The following ANKFN1 variants were observed in gnomAD, a reference collection of about 807,000 sequenced individuals.
ANKFN1 encodes the protein ankyrin repeat and fibronectin type III domain containing 1.
A neutral mutation model predicts 108.7 loss-of-function variants in ANKFN1; 74 were observed. The ratio of observed to expected loss-of-function variants is 0.68; its 90% CI spans 0.56 to 0.83. The LOEUF (loss-of-function observed/expected upper bound fraction) is 0.83, where lower values mean the gene tolerates loss of function less well. Ranked by LOEUF, ANKFN1 falls within the 40% of genes least tolerant of loss-of-function variation. ANKFN1 has a pLI of 0.00. For missense variants in ANKFN1, 1,505 were observed against 1,382.3 expected (o/e 1.09, Z -1.41); for synonymous variants, 547 against 516.2 (o/e 1.06, Z -0.81).
intron 3 of ANKFN1, among the ~76,000 whole-genome samples, chr17:56,296,500 A>C (rs982663869): frequency 6.6e-6 from 1 of 152,188 alleles, no homozygotes; most frequent in Non-Finnish European, 1.5e-5. Context: ...CCTGGCCAAC[A>C]TGGTGAAACC....
chr17:56,090,999 C>T (rs112857461), intron 4 of ANKFN1, among the ~76,000 whole-genome samples: 2 of 151,406 alleles, frequency 1.3e-5, no homozygotes, highest in African/African-American at 4.8e-5. Flanking sequence ...CTCTGGGACA[C>T]ACTTGTGAAC....
intron 4 of ANKFN1, among the ~76,000 whole-genome samples, chr17:56,054,258 G>A (rs889888872): frequency 2.6e-5 from 4 of 152,146 alleles, no homozygotes; most frequent in African/African-American, 9.7e-5. Flanking sequence ...TATATGAAAA[G>A]GACACTTAAA....
intron 4 of ANKFN1, among the ~76,000 whole-genome samples, chr17:56,052,481 T>C (rs920120677): frequency 1.3e-5 from 2 of 152,210 alleles, no homozygotes; most frequent in African/African-American, 4.8e-5. Context: ...TAAGAGGCTT[T>C]TAAATGGTAG....
At chr17:56,098,116 G>A (rs1205152315) in intron 4 of ANKFN1, among the ~76,000 whole-genome samples, 1 of 152,116 alleles carries the variant, frequency 6.6e-6, no homozygotes, top group Admixed American at 6.5e-5. Flanking sequence ...AGAGGTGGGA[G>A]TGATGCAATC....
intron 1 of ANKFN1, among the ~76,000 whole-genome samples, chr17:56,180,914 G>A (rs966004429): frequency 6.6e-6 from 1 of 152,182 alleles, no homozygotes; most frequent in Non-Finnish European, 1.5e-5. Context: ...ATCGAGGAAG[G>A]AGTGCTGTTC....
intron 3 of ANKFN1, among the ~76,000 whole-genome samples, chr17:56,307,372 C>A (rs1598385243): frequency 1.3e-5 from 2 of 152,056 alleles, no homozygotes; most frequent in African/African-American, 2.4e-5. Flanking sequence ...AACTCCAACA[C>A]ATTTACAAGA....
intron 10 of ANKFN1, among the ~76,000 whole-genome samples, chr17:56,448,376 C>A (rs1460531541): frequency 6.6e-6 from 1 of 151,698 alleles, no homozygotes; most frequent in Non-Finnish European, 1.5e-5. Context: ...TATAGCTAAA[C>A]GGAATGAAAA....
rs923875794 is a variant in ANKFN1, at chr17:56,088,440, G to T, written c.288+42115G>T. 7.3e-5 allele frequency among the ~76,000 whole-genome samples: 11 copies of T among 151,348 alleles called. 1 individual carries two copies. The highest frequency in any genetic ancestry group is 2.7e-4 in the African/African-American group (11 of 41,290). Reference sequence around the variant, plus strand: ...AAGATGGCTGGTGGCTCCAGTGTGGGGGAATGAGTGATTAGTTGTCAGGCA... The same window carrying T: ...AAGATGGCTGGTGGCTCCAGTGTGGTGGAATGAGTGATTAGTTGTCAGGCA... On this transcript the variant is annotated intron_variant, in intron 4 of 12. Coordinates refer to the ANKFN1 transcript ENST00000635860.
intron 20 of ANKFN1, among the ~76,000 whole-genome samples, chr17:56,502,152 T>C (rs2051392421): frequency 6.6e-6 from 1 of 152,194 alleles, no homozygotes; most frequent in African/African-American, 2.4e-5. Context: ...TACAAACAAC[T>C]CTTCATTTCT....
chr17:56,175,402 C>G (rs1260900981), intron 1 of ANKFN1, among the ~76,000 whole-genome samples: 1 of 152,210 alleles, frequency 6.6e-6, no homozygotes, highest in African/African-American at 2.4e-5. Context: ...GACACTAACA[C>G]TCATGGACAT....
chr17:56,093,792 T>C (rs1905465162), intron 4 of ANKFN1, among the ~76,000 whole-genome samples: 1 of 151,422 alleles, frequency 6.6e-6, no homozygotes. Context: ...TCCCTACCTT[T>C]ATTTTAATGT....
At chr17:56,409,576 A>G (rs1004890857) in intron 8 of ANKFN1, among the ~76,000 whole-genome samples, 3 of 152,156 alleles carry the variant, frequency 2.0e-5, no homozygotes, top group Non-Finnish European at 4.4e-5. Flanking sequence ...CATCAAAATT[A>G]ATCCTGATAG....
intron 4 of ANKFN1, among the ~76,000 whole-genome samples, chr17:56,122,357 C>T (rs1330551840): frequency 3.3e-5 from 5 of 152,224 alleles, no homozygotes; most frequent in African/African-American, 9.6e-5. Context: ...AGGAAGGAAA[C>T]GTGCCTGAGA....
chr17:56,186,994 C>T (rs60474595), intron 1 of ANKFN1, among the ~76,000 whole-genome samples: 1 of 151,906 alleles, frequency 6.6e-6, no homozygotes, highest in African/African-American at 2.4e-5. Context: ...AGAAGAAAAC[C>T]TAGGCAGTAC....
At chr17:56,357,389 T>A (rs73991476) in intron 6 of ANKFN1, among the ~76,000 whole-genome samples, 9,223 of 152,206 alleles carry the variant, frequency 0.061, 908 homozygotes, top group African/African-American at 0.21. Context: ...ATCCAGGAAA[T>A]GAATAAGGAT....
At chr17:56,069,279 C>T (rs1905094708) in intron 4 of ANKFN1, among the ~76,000 whole-genome samples, 1 of 152,046 alleles carries the variant, frequency 6.6e-6, no homozygotes, top group African/African-American at 2.4e-5. Context: ...AGAGAGAGAC[C>T]AGAGGGTTTA....
rs149775912 is a variant in ANKFN1 at position 56,495,569 on chromosome 17, G to A, written c.2427+3216G>A. On this transcript the variant is annotated intron_variant, in intron 19 of 20. Coordinates refer to ENST00000682825, the MANE Select transcript of ANKFN1 (RefSeq NM_001370326.1). ...GTTAGGAAAAGAAGCCAAGGAGTGCGGCCAGAAAGGGGGAGGCCTGGGCCA... is the reference window on the plus strand; with the variant it reads ...GTTAGGAAAAGAAGCCAAGGAGTGCAGCCAGAAAGGGGGAGGCCTGGGCCA... Among the ~76,000 whole-genome samples the A allele has an allele frequency of 2.2e-3, 336 of 152,236 alleles. 2 individuals carry two copies. The highest frequency in any genetic ancestry group is 7.6e-3 in the African/African-American group (315 of 41,548).
At chr17:56,157,159 G>A (rs1909194469) in intron 1 of ANKFN1, among the ~76,000 whole-genome samples, 1 of 152,278 alleles carries the variant, frequency 6.6e-6, no homozygotes, top group East Asian at 1.9e-4. Flanking sequence ...GAAACACACT[G>A]GTCACCTGGC....
At chr17:56,308,785 T>C (rs920545282) in intron 3 of ANKFN1, among the ~76,000 whole-genome samples, 1 of 152,204 alleles carries the variant, frequency 6.6e-6, no homozygotes, top group South Asian at 2.1e-4. Context: ...GAATGAATGC[T>C]GAATTTTGTT....
Sources: allele counts gnomAD v4.1 joint callset (sites outside exome capture counted in the v4.1 genomes callset), GRCh38; gene constraint gnomAD v4.1.1; transcripts MANE v1.5; gene names NCBI Gene and HGNC (gene_info 2026-07-23, HGNC 2026-07-21).